Variants in CROCC observed in about 807,000 individuals in gnomAD.
The protein encoded by CROCC is ciliary rootlet coiled-coil, rootletin.
Under a neutral mutation model 245.2 loss-of-function variants are expected in CROCC, and 180 were observed. That is an observed-to-expected ratio of 0.73 (90% CI 0.65 to 0.83). The LOEUF (loss-of-function observed/expected upper bound fraction) is 0.83. Ranked by LOEUF, CROCC falls within the 40% of genes least tolerant of loss-of-function variation. The pLI is 0.00. For synonymous variants in CROCC, 1,205 were observed against 1,241.6 expected (o/e 0.97, Z 0.62); for missense variants, 2,688 against 2,779.4 (o/e 0.97, Z 0.74).
chr1:16,940,924 C>T (rs1450360475), intron 13 of CROCC: 1 of 426,034 alleles, frequency 2.3e-6, no homozygotes, highest in African/African-American at 2.0e-5. Flanking sequence ...GTTAGGTTTC[C>T]ACTCCCTTCC....
upstream of CROCC, among the ~76,000 whole-genome samples, chr1:16,919,777 G>A (rs1240854741): frequency 2.0e-5 from 3 of 152,248 alleles, no homozygotes; most frequent in Non-Finnish European, 4.4e-5. Context: ...ACAGAGTCTC[G>A]CTATGTTGCC....
At chr1:16,916,821 T>C (rs1222936563) in intron 1 of CROCC, among the ~76,000 whole-genome samples, 1 of 152,290 alleles carries the variant, frequency 6.6e-6, no homozygotes, top group Non-Finnish European at 1.5e-5. Context: ...CTTGCTGTTA[T>C]TATTTAAAAC....
chr1:16,938,974 C>T lies in CROCC; in HGVS notation c.1440C>T (p.Ser480=). Residue 480 remains serine (S), a synonymous_variant, in exon 12 of 37, where the codon TCC becomes TCT. Coordinates refer to ENST00000375541, the MANE Select transcript of CROCC (RefSeq NM_014675.5). ...GCTCTGAGCGCACCGCGGATGCTTC[C>T]AACGGCAGCCTGCGGGGGCTCTCGG... The part of the protein sequence containing the change: ...LSGSERTADA[S]NGSLRGLSGQ... The T allele has an allele frequency of 2.5e-6, 4 of 1,605,420 alleles. No homozygotes were observed. Among genetic ancestry groups the T allele is most frequent in the Non-Finnish European group, 3.4e-6 (4 of 1,177,362 alleles).
chr1:16,947,490 A>AATAATG (rs1553157040), intron 17 of CROCC, among the ~76,000 whole-genome samples: 1 of 151,264 alleles, frequency 6.6e-6, no homozygotes, highest in African/African-American at 2.4e-5. Context: ...TAATAATAAT[A>AATAATG]ATAATAATAA....
intron 15 of CROCC, among the ~76,000 whole-genome samples, chr1:16,945,903 G>A (rs1488820680): frequency 2.0e-5 from 3 of 152,296 alleles, no homozygotes; most frequent in Non-Finnish European, 4.4e-5. Flanking sequence ...AGCTCCTGGG[G>A]TCTGAGAGTT....
rs923127273 is a variant in CROCC, at chr1:16,971,788, G to A, written c.5967+141G>A. On this transcript the variant is annotated intron_variant, in intron 36 of 36. Transcript: ENST00000375541. ...AGGGTGGGGTTGGCTCTGCGCTGGT[G>A]TCAGCCAAGACCAGACCGGGGCCAC... 95 of 861,814 alleles carry A rather than the reference G, an allele frequency of 1.1e-4. 1 individual carries two copies. In the East Asian group the frequency reaches 2.6e-3, roughly 24 times the overall value. 53.4% of individuals were successfully genotyped at this position (861,814 alleles called of 1,614,324 possible).
Position 16,946,244 on chromosome 1 carries a change from G to A in CROCC, c.2137-15G>A. 1 of 1,608,544 alleles carries A rather than the reference G, an allele frequency of 6.2e-7. No homozygotes were observed. The highest frequency in any genetic ancestry group is 8.5e-7 in the Non-Finnish European group (1 of 1,178,476). Reference sequence around the variant, plus strand: ...CTTTCTGCCTTTCCTCATTTCTCGGGGCCTGACCCTGCAGGCTGAGGCTGG... The same window carrying A: ...CTTTCTGCCTTTCCTCATTTCTCGGAGCCTGACCCTGCAGGCTGAGGCTGG... On this transcript the variant is annotated splice_polypyrimidine_tract_variant and intron_variant, in intron 15 of 36. Coordinates refer to ENST00000375541, the MANE Select transcript of CROCC (RefSeq NM_014675.5).
intron 27 of CROCC, among the ~76,000 whole-genome samples, chr1:16,964,961 A>G (rs1452129067): frequency 6.6e-6 from 1 of 152,134 alleles, no homozygotes; most frequent in African/African-American, 2.4e-5. Flanking sequence ...GATTACAGGC[A>G]TGAGACACCG....
At chr1:16,940,374 C>T (rs558956715) in intron 13 of CROCC, among the ~76,000 whole-genome samples, 10 of 151,374 alleles carry the variant, frequency 6.6e-5, no homozygotes, top group Non-Finnish European at 1.5e-4. Context: ...CAGGCCCCTG[C>T]CACCATGCCG....
upstream of CROCC, chr1:16,921,924 G>C: frequency 7.7e-7 from 1 of 1,299,816 alleles, no homozygotes. Context: ...TCTGCCTGGT[G>C]CTCAGCACAG....
chr1:16,948,434 C>T lies in CROCC; in HGVS notation c.2618C>T (p.Ala873Val), dbSNP rs368941713. ...GAGCGAGCGGCCCGTGAGAAGGAGG[C>T]GCTAGCCAAGGAGCACGCTGGCCTG... ...ALERAAREKE[A>V]LAKEHAGLAV... Residue 873 changes from alanine to valine, a missense_variant, in exon 18 of 37, where the codon GCG (alanine) becomes GTG (valine). This residue lies in a region of CROCC where 295 missense variants were observed against 241.7 expected (regional missense o/e 1.22). Coordinates refer to ENST00000375541, the MANE Select transcript of CROCC (RefSeq NM_014675.5). The T allele has an allele frequency of 2.1e-5, 33 of 1,568,558 alleles. No individual in the cohort carries two copies. The highest frequency in any genetic ancestry group is 1.9e-4 in the Middle Eastern group (1 of 5,148).
chr1:16,948,284 A>C (rs2076092822), intron 17 of CROCC, 47 bp from the exon 18 acceptor site: 2 of 1,496,460 alleles, frequency 1.3e-6, no homozygotes, highest in Non-Finnish European at 1.8e-6. Context: ...ACGATGAACA[A>C]GCTGGGGGAC....
chr1:16,924,268 GGGGA>G, intron 2 of CROCC, 53 bp from the exon 3 acceptor site: 3 of 1,586,960 alleles, frequency 1.9e-6, no homozygotes, highest in Non-Finnish European at 2.6e-6. Flanking sequence ...TCCCTGTTGG[GGGGA>G]GGATGTCCCA....
Position 16,929,909 on chromosome 1 carries a change from C to A in CROCC, c.415C>A (p.Arg139=). Residue 139 remains arginine (R), a synonymous_variant, in exon 4 of 37, where the codon CGG becomes AGG. Coordinates refer to ENST00000375541, the MANE Select transcript of CROCC (RefSeq NM_014675.5). ...LETQEPRGLV[R]QSVELRRQLQ... Reference sequence around the variant, plus strand: ...GACGCAGGAGCCCAGGGGGCTGGTACGGCAGAGCGTGGAGTTGCGGAGGCA... The same window carrying A: ...GACGCAGGAGCCCAGGGGGCTGGTAAGGCAGAGCGTGGAGTTGCGGAGGCA... The A allele has an allele frequency of 1.3e-6, 2 of 1,588,766 alleles. No individual in the cohort carries two copies. Among genetic ancestry groups the A allele is most frequent in the Non-Finnish European group, 8.5e-7 (1 of 1,171,066 alleles).
At chr1:16,947,119 ACTT>A in intron 17 of CROCC, 128 bp downstream of exon 17, 1 of 897,768 alleles carries the variant, frequency 1.1e-6, no homozygotes, top group Non-Finnish European at 1.7e-6. Flanking sequence ...ATCCAGCCCC[ACTT>A]CTGCTAGCTG....
At chr1:16,920,102 C>T (rs1174929271), upstream of CROCC, among the ~76,000 whole-genome samples, 21 of 151,350 alleles carry the variant, frequency 1.4e-4, no homozygotes, top group African/African-American at 3.2e-4. Flanking sequence ...ATTTTTGAGA[C>T]GGAGTCTTAC....
intron 13 of CROCC, 74 bp downstream of exon 13, chr1:16,940,167 T>C: frequency 1.4e-6 from 2 of 1,458,192 alleles, no homozygotes; most frequent in East Asian, 2.5e-5. Flanking sequence ...TCAAGCCTTA[T>C]GCGTATGGCT....
At position 16,955,513 on chromosome 1, in the gene CROCC, C is replaced by T. The variant is rs771988740; in HGVS notation, c.3667C>T (p.Arg1223Trp). The T allele has an allele frequency of 8.3e-6, 13 of 1,571,404 alleles. No individual in the cohort carries two copies. Among genetic ancestry groups the T allele is most frequent in the South Asian group, 2.3e-5 (2 of 85,236 alleles). The change falls in exon 24 of 37, where the codon CGG becomes TGG. Residue 1223 changes from arginine to tryptophan, a missense_variant. By Grantham distance (101) the Arg-to-Trp change is moderately radical. Coordinates refer to ENST00000375541, the MANE Select transcript of CROCC (RefSeq NM_014675.5). Reference protein sequence around the residue: ...EALRRSNEELRSAVKKAESER... With the variant: ...EALRRSNEELWSAVKKAESER... ...CCTGCGGCGTTCCAATGAGGAGCTTCGGTCTGCTGTGAAGAAGGCAGAGAG... is the reference window on the plus strand; with the variant it reads ...CCTGCGGCGTTCCAATGAGGAGCTTTGGTCTGCTGTGAAGAAGGCAGAGAG...
At position 16,921,965 on chromosome 1, in the gene CROCC, T is replaced by G; in HGVS notation, c.-54T>G. The G allele has an allele frequency of 6.7e-7, 1 of 1,494,440 alleles. No homozygotes were observed. The highest frequency in any genetic ancestry group is 9.1e-7 in the Non-Finnish European group (1 of 1,095,076). The allele number at this position is 1,494,440 out of a possible 1,614,324, so 92.6% of individuals were successfully genotyped here. ...TGGCTGTGGCGCGTGCTGACTGAGC[T>G]AGTCTTGGGGTCCTGGAGAAGGGGG... On this transcript the variant is annotated 5_prime_UTR_variant, in exon 1 of 37. Coordinates refer to ENST00000375541, the MANE Select transcript of CROCC (RefSeq NM_014675.5).
Sources: allele counts gnomAD v4.1 joint callset (sites outside exome capture counted in the v4.1 genomes callset), GRCh38; gene constraint gnomAD v4.1.1; regional missense constraint gnomAD v4.1.1; transcripts MANE v1.5; gene names NCBI Gene and HGNC (gene_info 2026-07-23, HGNC 2026-07-21).